Variants in AZIN1 observed in about 807,000 individuals in gnomAD.
The protein encoded by AZIN1 is antizyme inhibitor 1.
Under a neutral mutation model 47.4 loss-of-function variants are expected in AZIN1, and 12 were observed. The observed-to-expected ratio is 0.25, with a 90% CI of 0.16 to 0.41. The LOEUF (loss-of-function observed/expected upper bound fraction) is 0.41. AZIN1 is among the 10% of genes least tolerant of loss of function. The probability of loss-of-function intolerance (pLI) is 1.00; values close to 1 mark genes in which losing one functional copy is unlikely to be tolerated. For synonymous variants in AZIN1, 155 were observed against 176.3 expected, an observed-to-expected ratio of 0.88 and a Z score of 0.96; for missense variants, 410 against 532.4, an observed-to-expected ratio of 0.77 and a Z score of 2.26.
At chr8:102,852,469 G>A (rs917892994) in intron 2 of AZIN1, among the ~76,000 whole-genome samples, 2 of 152,136 alleles carry the variant, frequency 1.3e-5, no homozygotes, top group Non-Finnish European at 2.9e-5. Context: ...CAGCTACTTG[G>A]GAGGCTGAGG....
chr8:102,836,579 A>C (rs137856183), intron 5 of AZIN1, 189 bp from the exon 6 acceptor site: 1 of 586,268 alleles, frequency 1.7e-6, no homozygotes, highest in Non-Finnish European at 2.9e-6. Flanking sequence ...GGCCTAAAGC[A>C]TGAAGCTTAC....
chr8:102,844,106 G>C (rs1812398682), intron 2 of AZIN1, among the ~76,000 whole-genome samples: 1 of 152,206 alleles, frequency 6.6e-6, no homozygotes, highest in Admixed American at 6.5e-5. Context: ...AAGAAAGCTA[G>C]TGAAATAAGT....
chr8:102,830,417 A>G (rs528376780), intron 9 of AZIN1, among the ~76,000 whole-genome samples: 76 of 151,702 alleles, frequency 5.0e-4, no homozygotes, highest in Non-Finnish European at 7.8e-4. Flanking sequence ...AAAAAAAAAA[A>G]AAAGAAAAAA....
chr8:102,829,748 G>C lies in AZIN1; in HGVS notation c.1020+73C>G, dbSNP rs577288616. ...ATTCTAAGATGTTTTTCAAAAAACT[G>C]GGAAGCATCTTAAAAATAACAGCTC... On this transcript the variant is annotated intron_variant, in intron 10 of 11. Coordinates refer to ENST00000337198, the MANE Select transcript of AZIN1 (RefSeq NM_148174.4). 476 of 1,153,280 alleles carry C rather than the reference G, an allele frequency of 4.1e-4. 2 individuals are homozygous for C. Among genetic ancestry groups the C allele is most frequent in the Non-Finnish European group, 5.2e-4 (405 of 782,330 alleles). The allele number at this position is 1,153,280 out of a possible 1,614,324, so 71.4% of individuals were successfully genotyped here. A position where few individuals can be genotyped will look rare whatever the true frequency, so the allele number is the denominator to read the frequency against.
chr8:102,861,200 C>A (rs1813626194), intron 1 of AZIN1, among the ~76,000 whole-genome samples: 1 of 152,110 alleles, frequency 6.6e-6, no homozygotes, highest in African/African-American at 2.4e-5. Flanking sequence ...AACTAAGATA[C>A]TCCAAAATAA....
At chr8:102,840,731 G>A (rs1308402319) in intron 3 of AZIN1, among the ~76,000 whole-genome samples, 2 of 152,166 alleles carry the variant, frequency 1.3e-5, no homozygotes, top group Admixed American at 6.5e-5. Context: ...TATTTAGGAC[G>A]TACAACATCC....
Position 102,834,669 on chromosome 8 carries a change from C to T in AZIN1, c.663G>A (p.Met221Ile). Residue 221 changes from methionine (M) to isoleucine (I), a missense_variant, in exon 7 of 12, where the codon ATG becomes ATA. Physicochemically the swap from Met to Ile is conservative, Grantham distance 10. This residue lies in a region of AZIN1 where 237 missense variants were observed against 309.4 expected (regional missense o/e 0.77). Coordinates refer to ENST00000337198, the MANE Select transcript of AZIN1 (RefSeq NM_148174.4). Reference sequence around the variant, plus strand: ...TAACTTAAAAGAAAGAACTTACAGCCATGTCAAACACACATCGAGCATCAG... The same window carrying T: ...TAACTTAAAAGAAAGAACTTACAGCTATGTCAAACACACATCGAGCATCAG... Reference protein sequence around the residue: ...ALSDARCVFDMAGEIGFTMNM... With the variant: ...ALSDARCVFDIAGEIGFTMNM... The T allele has an allele frequency of 6.3e-7, 1 of 1,597,736 alleles. No homozygotes were observed. Among genetic ancestry groups the T allele is most frequent in the Non-Finnish European group, 8.5e-7 (1 of 1,170,096 alleles).
chr8:102,852,637 C>T (rs745536910), intron 2 of AZIN1, among the ~76,000 whole-genome samples: 2 of 152,094 alleles, frequency 1.3e-5, no homozygotes, highest in Admixed American at 6.6e-5. Flanking sequence ...GCATGCACAA[C>T]GTGGCTGGAC....
chr8:102,831,934 G>A (rs1030869136), intron 9 of AZIN1, among the ~76,000 whole-genome samples: 7 of 152,020 alleles, frequency 4.6e-5, no homozygotes, highest in Admixed American at 2.0e-4. Context: ...CAGCCTGGGC[G>A]ACAAAACAAC....
chr8:102,854,572 G>A (rs1349370566), intron 2 of AZIN1: 55 of 142,002 alleles, frequency 3.9e-4, no homozygotes, highest in Admixed American at 3.9e-3. Flanking sequence ...ACTCCAGCCT[G>A]GGCGAAAGGA....
chr8:102,847,208 C>T (rs1812619084), intron 2 of AZIN1, among the ~76,000 whole-genome samples: 2 of 152,060 alleles, frequency 1.3e-5, no homozygotes, highest in Admixed American at 1.3e-4. Context: ...AGATGTAGTA[C>T]ATTAACATTT....
intron 2 of AZIN1, among the ~76,000 whole-genome samples, chr8:102,854,919 A>G (rs1813188194): frequency 1.3e-5 from 2 of 152,172 alleles, no homozygotes; most frequent in Non-Finnish European, 2.9e-5. Context: ...TGGATCCACT[A>G]TGAGAAGCAA....
chr8:102,843,137 G>A (rs567793830), intron 3 of AZIN1, among the ~76,000 whole-genome samples: 8 of 149,660 alleles, frequency 5.3e-5, no homozygotes, highest in South Asian at 2.1e-4. Flanking sequence ...CCCAGGAGGC[G>A]AGGGTTGCAC....
In AZIN1 at chr8:102,838,681, A is replaced by G. The variant is rs1424182949; in HGVS notation, c.449+63T>C. ...CACAAATGCTCCTTTCTTCCCAGACAAAAGACAAACCCAACCCTCTAAGTG... is the reference window on the plus strand; with the variant it reads ...CACAAATGCTCCTTTCTTCCCAGACGAAAGACAAACCCAACCCTCTAAGTG... On this transcript the variant is annotated intron_variant, in intron 5 of 11. Transcript: ENST00000337198. 7 of 1,401,222 alleles carry G rather than the reference A, an allele frequency of 5.0e-6. No individual in the cohort carries two copies. The East Asian group carries it at 1.6e-4, about 33-fold the overall frequency. 86.8% of individuals were successfully genotyped at this position (1,401,222 alleles called of 1,614,324 possible).
intron 1 of AZIN1, among the ~76,000 whole-genome samples, chr8:102,860,209 G>T (rs1563552757): frequency 6.6e-6 from 1 of 152,190 alleles, no homozygotes; most frequent in Non-Finnish European, 1.5e-5. Flanking sequence ...TTAGAGAATA[G>T]CACAGAGAGG....
intron 5 of AZIN1, among the ~76,000 whole-genome samples, chr8:102,837,852 A>G (rs1381706554): frequency 6.6e-6 from 1 of 152,230 alleles, no homozygotes; most frequent in Non-Finnish European, 1.5e-5. Flanking sequence ...GCATAATTCA[A>G]TATGCTTTTA....
At chr8:102,847,062 AC>A (rs1310928206) in intron 2 of AZIN1, among the ~76,000 whole-genome samples, 4 of 152,218 alleles carry the variant, frequency 2.6e-5, no homozygotes, top group Admixed American at 2.6e-4. Context: ...TGGAACTGTT[AC>A]TTCAGAAGTA....
intron 9 of AZIN1, among the ~76,000 whole-genome samples, 170 bp downstream of exon 9, chr8:102,832,886 T>G (rs1056266023): frequency 2.6e-5 from 4 of 152,112 alleles, no homozygotes; most frequent in Non-Finnish European, 5.9e-5. Flanking sequence ...GTGATCCACC[T>G]GGCTCTGCCT....
At chr8:102,834,374 G>T in intron 7 of AZIN1, 111 bp from the exon 8 acceptor site, 1 of 834,766 alleles carries the variant, frequency 1.2e-6, no homozygotes, top group Non-Finnish European at 1.9e-6. Flanking sequence ...CTTTAGTACA[G>T]CAAATTCTTG....
Sources: gnomAD v4.1 joint callset for allele counts (sites outside exome capture counted in the v4.1 genomes callset) on GRCh38, gnomAD v4.1.1 for gene constraint, gnomAD v4.1.1 regional missense constraint, MANE v1.5 for transcripts, NCBI Gene and HGNC (gene_info 2026-07-23, HGNC 2026-07-21) for gene names.